The following ARHGAP15 variants were observed in gnomAD, a reference collection of about 807,000 sequenced individuals.
ARHGAP15 encodes the protein rho GTPase-activating protein 15.
In ARHGAP15, 51 loss-of-function variants were observed where a neutral mutation model predicts 63.7. That is an observed-to-expected ratio of 0.80 (90% CI 0.64 to 1.01). The LOEUF (loss-of-function observed/expected upper bound fraction) is 1.01. Ranked by LOEUF, ARHGAP15 falls within the 50% of genes least tolerant of loss-of-function variation. The pLI is 0.00. For missense variants in ARHGAP15, 560 were observed against 564.6 expected (o/e 0.99, Z 0.08); for synonymous variants, 191 against 193.8 (o/e 0.99, Z 0.12).
chr2:143,426,319 T>C (rs1293697974), intron 6 of ARHGAP15, among the ~76,000 whole-genome samples: 1 of 152,144 alleles, frequency 6.6e-6, no homozygotes, highest in Non-Finnish European at 1.5e-5. Flanking sequence ...GCTCAAGTGT[T>C]CCCTTTTTCA....
At chr2:143,662,254 G>C (rs28835984) in intron 12 of ARHGAP15, among the ~76,000 whole-genome samples, 3,148 of 151,616 alleles carry the variant, frequency 0.021, 120 homozygotes, top group African/African-American at 0.073. Flanking sequence ...GTGGGTCCCT[G>C]ACCCCTGACC....
At chr2:143,511,600 AGAG>A (rs1054714281) in intron 9 of ARHGAP15, among the ~76,000 whole-genome samples, 1 of 142,294 alleles carries the variant, frequency 7.0e-6, no homozygotes, top group African/African-American at 2.6e-5. Flanking sequence ...TTGTTTTTGA[AGAG>A]GAGAGTAGAA....
chr2:143,615,800 C>G (rs1192557186), intron 11 of ARHGAP15, among the ~76,000 whole-genome samples: 2 of 152,110 alleles, frequency 1.3e-5, no homozygotes, highest in Non-Finnish European at 2.9e-5. Context: ...TCCTATGATT[C>G]TCTCCCCTTT....
intron 1 of ARHGAP15, among the ~76,000 whole-genome samples, chr2:143,132,990 A>G (rs902626327): frequency 5.3e-5 from 8 of 152,244 alleles, no homozygotes; most frequent in Admixed American, 1.3e-4. Flanking sequence ...ATTATGATGC[A>G]AATACAATTT....
intron 9 of ARHGAP15, among the ~76,000 whole-genome samples, chr2:143,506,668 G>A (rs973899794): frequency 2.2e-4 from 34 of 152,094 alleles, no homozygotes; most frequent in Non-Finnish European, 4.1e-4. Flanking sequence ...CACAATGTAC[G>A]TCAACAGTCA....
At chr2:143,316,210 C>CACCA (rs1683700773) in intron 6 of ARHGAP15, among the ~76,000 whole-genome samples, 2 of 152,028 alleles carry the variant, frequency 1.3e-5, no homozygotes, top group African/African-American at 4.8e-5. Context: ...GGTAGGAAAT[C>CACCA]ACCAACCAAC....
chr2:143,229,481 T>C (rs1026261369), intron 5 of ARHGAP15, among the ~76,000 whole-genome samples: 2 of 152,198 alleles, frequency 1.3e-5, no homozygotes, highest in African/African-American at 4.8e-5. Context: ...AGCCAGTTAC[T>C]GGGGCAATTC....
At chr2:143,546,704 C>T (rs544987287) in intron 10 of ARHGAP15, among the ~76,000 whole-genome samples, 1 of 152,120 alleles carries the variant, frequency 6.6e-6, no homozygotes, top group East Asian at 1.9e-4. Flanking sequence ...CTAAGCAAGT[C>T]ATACTACCAA....
At chr2:143,320,039 A>AGT (rs1167338510) in intron 6 of ARHGAP15, among the ~76,000 whole-genome samples, 1 of 152,170 alleles carries the variant, frequency 6.6e-6, no homozygotes, top group Non-Finnish European at 1.5e-5. Flanking sequence ...TATTATTGTA[A>AGT]GTGTGTGTGT....
intron 6 of ARHGAP15, among the ~76,000 whole-genome samples, chr2:143,273,014 A>C (rs1681369660): frequency 6.6e-6 from 1 of 151,964 alleles, no homozygotes; most frequent in Non-Finnish European, 1.5e-5. Context: ...TATGTTTTCA[A>C]GTACTTTCTT....
At chr2:143,263,942 T>TTG (rs1680867713) in intron 6 of ARHGAP15, among the ~76,000 whole-genome samples, 1 of 126,858 alleles carries the variant, frequency 7.9e-6, no homozygotes, top group Non-Finnish European at 1.6e-5. Context: ...TTTTTTTTTT[T>TTG]TGTGCTCACC....
chr2:143,386,018 A>G (rs1687273109), intron 6 of ARHGAP15, among the ~76,000 whole-genome samples: 1 of 152,140 alleles, frequency 6.6e-6, no homozygotes, highest in East Asian at 1.9e-4. Context: ...CTTAACTTTC[A>G]TATTCAACTC....
At chr2:143,472,589 C>T (rs529366607) in intron 8 of ARHGAP15, among the ~76,000 whole-genome samples, 37 of 152,068 alleles carry the variant, frequency 2.4e-4, no homozygotes, top group African/African-American at 7.0e-4. Context: ...TCTGTTTAGA[C>T]GCATCAGTAT....
rs144246244 is a variant in ARHGAP15 at position 143,750,904 on chromosome 2, T to C, written c.1245-17085T>C. Among the ~76,000 whole-genome samples, 7 of 152,324 alleles carry C rather than the reference T, an allele frequency of 4.6e-5. 1 individual carries two copies. Among genetic ancestry groups the C allele is most frequent in the African/African-American group, 1.7e-4 (7 of 41,574 alleles). On this transcript the variant is annotated intron_variant, in intron 13 of 13. Coordinates refer to ENST00000295095, the MANE Select transcript of ARHGAP15 (RefSeq NM_018460.4). ...CGTGATGATTTTATCTCAGTTTTGC[T>C]GATAATTAAGCATGAATTCAAAGGG...
intron 5 of ARHGAP15, among the ~76,000 whole-genome samples, chr2:143,245,048 C>T (rs939689173): frequency 6.6e-6 from 1 of 152,120 alleles, no homozygotes; most frequent in African/African-American, 2.4e-5. Context: ...GGTGACTGTG[C>T]TACACTCTCA....
chr2:143,479,575 C>A (rs773218657), intron 8 of ARHGAP15, among the ~76,000 whole-genome samples: 1 of 151,952 alleles, frequency 6.6e-6, no homozygotes, highest in Non-Finnish European at 1.5e-5. Context: ...CAGCTACTGC[C>A]TTAGCTCAAT....
intron 6 of ARHGAP15, among the ~76,000 whole-genome samples, chr2:143,260,268 A>G (rs949336965): frequency 6.6e-5 from 10 of 152,166 alleles, no homozygotes; most frequent in African/African-American, 2.4e-4. Flanking sequence ...GCATCAGTGT[A>G]TTAACTCATT....
At chr2:143,273,173 T>G (rs909877784) in intron 6 of ARHGAP15, among the ~76,000 whole-genome samples, 84 of 152,160 alleles carry the variant, frequency 5.5e-4, no homozygotes, top group Admixed American at 2.6e-3. Flanking sequence ...TTTTAAAACA[T>G]TTCTGCTTAA....
At chr2:143,699,819 A>G (rs1684006566) in intron 12 of ARHGAP15, among the ~76,000 whole-genome samples, 1 of 152,216 alleles carries the variant, frequency 6.6e-6, no homozygotes, top group Admixed American at 6.5e-5. Context: ...ACATTTATAT[A>G]GTACTTTGTT....
Sources: gnomAD v4.1 joint callset for allele counts (sites outside exome capture counted in the v4.1 genomes callset) on GRCh38, gnomAD v4.1.1 for gene constraint, MANE v1.5 for transcripts, NCBI Gene and HGNC (gene_info 2026-07-23, HGNC 2026-07-21) for gene names.